The following SLC25A13 variants were observed in gnomAD, a reference collection of about 807,000 sequenced individuals.
The protein encoded by SLC25A13 is electrogenic aspartate/glutamate antiporter SLC25A13, mitochondrial.
SLC25A13 carries 70 observed loss-of-function variants against 85.5 expected under a neutral mutation model. The ratio of observed to expected loss-of-function variants is 0.82; its 90% CI spans 0.68 to 1.00. The LOEUF is 1.00. Among genes scored for constraint, SLC25A13 ranks in the 50% least tolerant of loss-of-function variants. The pLI, the probability that SLC25A13 is intolerant of heterozygous loss-of-function variation, is 0.00. For synonymous variants in SLC25A13, 259 were observed against 288.7 expected (o/e 0.90, Z 1.04); for missense variants, 765 against 819.8 (o/e 0.93, Z 0.82).
chr7:96,265,298 T>C (rs1798007140), intron 3 of SLC25A13, among the ~76,000 whole-genome samples: 1 of 152,212 alleles, frequency 6.6e-6, no homozygotes, highest in Non-Finnish European at 1.5e-5. Context: ...CATCCAAATG[T>C]TAGGAAACTT....
intron 3 of SLC25A13, among the ~76,000 whole-genome samples, chr7:96,259,577 G>A (rs1367093860): frequency 6.6e-6 from 1 of 152,180 alleles, no homozygotes; most frequent in African/African-American, 2.4e-5. Context: ...AGAGGATGTG[G>A]AGAAATAGGA....
At chr7:96,199,005 A>AT (rs1476620449) in intron 5 of SLC25A13, among the ~76,000 whole-genome samples, 1 of 152,214 alleles carries the variant, frequency 6.6e-6, no homozygotes, top group Non-Finnish European at 1.5e-5. Context: ...AGATAACAGG[A>AT]TTTTAGAGAA....
intron 4 of SLC25A13, among the ~76,000 whole-genome samples, chr7:96,232,301 C>G (rs1796570179): frequency 6.6e-6 from 1 of 151,586 alleles, no homozygotes; most frequent in African/African-American, 2.4e-5. Flanking sequence ...TTGGATGGAG[C>G]TGGAGGCCAT....
intron 1 of SLC25A13, among the ~76,000 whole-genome samples, chr7:96,303,159 G>A (rs567995720): frequency 5.3e-4 from 80 of 152,152 alleles, no homozygotes; most frequent in African/African-American, 1.7e-3. Flanking sequence ...CAGCTGCTAC[G>A]TCACCAACTG....
intron 15 of SLC25A13, among the ~76,000 whole-genome samples, chr7:96,123,388 C>A (rs768375785): frequency 2.0e-5 from 3 of 152,156 alleles, no homozygotes; most frequent in Non-Finnish European, 4.4e-5. Flanking sequence ...TTTAGACATG[C>A]AATAAAAGCC....
intron 2 of SLC25A13, among the ~76,000 whole-genome samples, chr7:96,283,999 T>C (rs185412211): frequency 2.0e-5 from 3 of 152,248 alleles, no homozygotes; most frequent in African/African-American, 7.2e-5. Flanking sequence ...CGCAAGAAAT[T>C]ACTCAACTGG....
intron 13 of SLC25A13, among the ~76,000 whole-genome samples, chr7:96,147,854 T>C (rs994179679): frequency 2.6e-5 from 4 of 151,966 alleles, no homozygotes; most frequent in African/African-American, 9.7e-5. Context: ...CCCCCTGCCA[T>C]CCCCTACCAC....
At chr7:96,146,425 T>C (rs1171174307) in intron 14 of SLC25A13, 131 bp downstream of exon 14, 4 of 1,226,268 alleles carry the variant, frequency 3.3e-6, no homozygotes, top group Non-Finnish European at 4.6e-6. Context: ...AAGGTGCCTC[T>C]GCAGCTTGGG....
At chr7:96,279,853 G>A (rs549145397) in intron 2 of SLC25A13, among the ~76,000 whole-genome samples, 31 of 152,034 alleles carry the variant, frequency 2.0e-4, no homozygotes, top group South Asian at 1.9e-3. Context: ...TAATCTCTTG[G>A]TTGTCCCACG....
intron 2 of SLC25A13, among the ~76,000 whole-genome samples, chr7:96,291,275 A>C (rs1047538115): frequency 3.7e-4 from 57 of 152,344 alleles, no homozygotes; most frequent in African/African-American, 1.3e-3. Context: ...GACACATTTA[A>C]AGCAGTGTGT....
chr7:96,183,323 G>C (rs145148913), intron 11 of SLC25A13, among the ~76,000 whole-genome samples: 1 of 152,230 alleles, frequency 6.6e-6, no homozygotes, highest in East Asian at 1.9e-4. Flanking sequence ...TAATTAATTT[G>C]AAGACTAGAG....
chr7:96,130,496 C>A (rs1791976306), intron 15 of SLC25A13, among the ~76,000 whole-genome samples: 1 of 152,162 alleles, frequency 6.6e-6, no homozygotes, highest in Admixed American at 6.5e-5. Context: ...CCAAAGCTTA[C>A]AAGAAGTGAA....
intron 4 of SLC25A13, among the ~76,000 whole-genome samples, chr7:96,217,491 G>A (rs1186912590): frequency 6.6e-6 from 1 of 151,972 alleles, no homozygotes; most frequent in African/African-American, 2.4e-5. Context: ...TCTTATGCCT[G>A]TTAACTGATT....
intron 11 of SLC25A13, among the ~76,000 whole-genome samples, chr7:96,178,073 A>G (rs1794292892): frequency 6.6e-6 from 1 of 152,078 alleles, no homozygotes; most frequent in South Asian, 2.1e-4. Context: ...CATCCACATC[A>G]TGCTTCCCCC....
chr7:96,253,534 AC>A (rs1416737664), intron 3 of SLC25A13, among the ~76,000 whole-genome samples: 1 of 152,162 alleles, frequency 6.6e-6, no homozygotes, highest in Non-Finnish European at 1.5e-5. Context: ...TGTTTTTTTG[AC>A]TGCTATCAGT....
chr7:96,156,563 T>C (rs976338800), intron 13 of SLC25A13, among the ~76,000 whole-genome samples: 28 of 152,288 alleles, frequency 1.8e-4, no homozygotes, highest in Admixed American at 1.7e-3. Context: ...AGCATTCTCC[T>C]GCCTCAGCCT....
chr7:96,247,242 A>C (rs1797226148), intron 3 of SLC25A13, among the ~76,000 whole-genome samples: 2 of 152,320 alleles, frequency 1.3e-5, no homozygotes, highest in South Asian at 4.1e-4. Context: ...GCAAACATTA[A>C]CATGAACTTC....
At chr7:96,297,094 C>T in intron 1 of SLC25A13, 143 bp from the exon 2 acceptor site, 2 of 730,008 alleles carry the variant, frequency 2.7e-6, no homozygotes, top group Non-Finnish European at 2.4e-6. Context: ...AGTGCATAAA[C>T]TATGCCCCCT....
At chr7:96,149,164 T>A (rs546438023) in intron 13 of SLC25A13, among the ~76,000 whole-genome samples, 5 of 152,228 alleles carry the variant, frequency 3.3e-5, no homozygotes, top group Non-Finnish European at 5.9e-5. Context: ...CACTACACCA[T>A]CTCTAGAATC....
Sources: gnomAD v4.1 joint callset for allele counts (sites outside exome capture counted in the v4.1 genomes callset) on GRCh38, gnomAD v4.1.1 for gene constraint, MANE v1.5 for transcripts, NCBI Gene and HGNC (gene_info 2026-07-23, HGNC 2026-07-21) for gene names.